SH3RF3: variants seen among roughly 807,000 people sequenced by gnomAD.
SH3RF3 encodes the protein SH3 domain containing ring finger 3.
Under a neutral mutation model 66.3 loss-of-function variants are expected in SH3RF3, and 29 were observed. The observed-to-expected ratio is 0.44, with a 90% CI of 0.33 to 0.60. The LOEUF (loss-of-function observed/expected upper bound fraction) is 0.60. Among genes scored for constraint, SH3RF3 ranks in the 20% least tolerant of loss-of-function variants. The pLI is 0.04. For missense variants in SH3RF3, 1,194 were observed against 1,190.9 expected (o/e 1.00, Z -0.04); for synonymous variants, 583 against 532.0 (o/e 1.10, Z -1.32).
At chr2:109,455,009 A>T (rs1333506363) in intron 8 of SH3RF3, among the ~76,000 whole-genome samples, 6 of 152,172 alleles carry the variant, frequency 3.9e-5, no homozygotes, top group Admixed American at 3.9e-4. Flanking sequence ...AAGAGCCTCT[A>T]AAGATGTTTT....
In SH3RF3 at chr2:109,298,734, C is replaced by T. The variant is rs555581474; in HGVS notation, c.574-48940C>T. On this transcript the variant is annotated intron_variant, in intron 1 of 9. Transcript: ENST00000309415. ...CACTGACATACCCCATCAGCTCACC[C>T]TGTGAAATATCCCTGATCTAACCTT... 2.0e-5 allele frequency among the ~76,000 whole-genome samples: 3 copies of T among 152,276 alleles called. 1 individual carries two copies. The highest frequency in any genetic ancestry group is 4.1e-4 in the South Asian group (2 of 4,834).
At chr2:109,285,136 G>T (rs1681002571) in intron 1 of SH3RF3, among the ~76,000 whole-genome samples, 1 of 152,232 alleles carries the variant, frequency 6.6e-6, no homozygotes, top group African/African-American at 2.4e-5. Context: ...CTGGAGTAGG[G>T]GTGACAGTGA....
At chr2:109,206,654 A>T (rs1245790385) in intron 1 of SH3RF3, among the ~76,000 whole-genome samples, 1 of 152,058 alleles carries the variant, frequency 6.6e-6, no homozygotes, top group African/African-American at 2.4e-5. Context: ...ACAAAAAAAA[A>T]ATTTTTTTTA....
intron 1 of SH3RF3, among the ~76,000 whole-genome samples, chr2:109,133,322 G>C (rs747754615): frequency 6.6e-6 from 1 of 152,184 alleles, no homozygotes; most frequent in Non-Finnish European, 1.5e-5. Context: ...CATTGGATCC[G>C]TTTGAAAATC....
In SH3RF3 at chr2:109,192,161, C is replaced by A. The variant is rs1000759154; in HGVS notation, c.573+62048C>A. 2.0e-5 allele frequency among the ~76,000 whole-genome samples: 3 copies of A among 152,116 alleles called. No individual in the cohort carries two copies. The South Asian group carries it at 6.2e-4, about 31-fold the overall frequency. On this transcript the variant is annotated intron_variant, in intron 1 of 9. Coordinates refer to ENST00000309415, the MANE Select transcript of SH3RF3 (RefSeq NM_001099289.3). The stretch of plus-strand genomic sequence containing the variant: ...CAATATTGGTTCTTTGAGAGCGGTT[C>A]GGTTCTACATATGGCACTAACTCGT...
intron 1 of SH3RF3, among the ~76,000 whole-genome samples, chr2:109,274,154 A>G (rs1279944194): frequency 6.6e-6 from 1 of 152,240 alleles, no homozygotes; most frequent in African/African-American, 2.4e-5. Flanking sequence ...GAAATCTTCT[A>G]GGATCTGGAT....
intron 1 of SH3RF3, among the ~76,000 whole-genome samples, chr2:109,290,349 A>G (rs951576810): frequency 1.3e-5 from 2 of 152,250 alleles, no homozygotes; most frequent in East Asian, 3.9e-4. Context: ...TAAATGAGTG[A>G]TAAGAGAAAT....
chr2:109,413,979 C>G (rs1676659621), intron 4 of SH3RF3, among the ~76,000 whole-genome samples: 1 of 152,246 alleles, frequency 6.6e-6, no homozygotes, highest in South Asian at 2.1e-4. Flanking sequence ...ACCAGTGGGT[C>G]CTTCTAGGTC....
At chr2:109,398,101 G>A (rs1267583173) in intron 3 of SH3RF3, among the ~76,000 whole-genome samples, 6 of 152,180 alleles carry the variant, frequency 3.9e-5, no homozygotes, top group Non-Finnish European at 5.9e-5. Flanking sequence ...TGCCACAGCC[G>A]GTCACCAGCC....
At chr2:109,197,020 G>A (rs909015082) in intron 1 of SH3RF3, among the ~76,000 whole-genome samples, 11 of 152,232 alleles carry the variant, frequency 7.2e-5, no homozygotes, top group African/African-American at 2.4e-4. Context: ...ATAGCCCTGT[G>A]AGTGGGTGCC....
chr2:109,348,051 A>C, intron 2 of SH3RF3, 102 bp downstream of exon 2: 5 of 1,439,436 alleles, frequency 3.5e-6, no homozygotes, highest in South Asian at 1.4e-5. Context: ...CTTTCTTCAG[A>C]GTCTGAATCC....
At chr2:109,212,267 G>A (rs1251084657) in intron 1 of SH3RF3, among the ~76,000 whole-genome samples, 1 of 152,184 alleles carries the variant, frequency 6.6e-6, no homozygotes, top group East Asian at 1.9e-4. Context: ...AAATGAGGCT[G>A]CCCAGAAAAG....
At chr2:109,175,518 C>A (rs867318297) in intron 1 of SH3RF3, among the ~76,000 whole-genome samples, 1 of 152,204 alleles carries the variant, frequency 6.6e-6, no homozygotes, top group South Asian at 2.1e-4. Context: ...TGAGAGCAAA[C>A]AAGGATGAGC....
intron 1 of SH3RF3, among the ~76,000 whole-genome samples, chr2:109,268,512 G>C (rs1017924423): frequency 6.6e-6 from 1 of 152,184 alleles, no homozygotes; most frequent in Non-Finnish European, 1.5e-5. Flanking sequence ...CCTCTGTCCA[G>C]CAGGAGCCTG....
chr2:109,425,736 C>A (rs1283803717), intron 5 of SH3RF3, among the ~76,000 whole-genome samples: 2 of 152,040 alleles, frequency 1.3e-5, no homozygotes, highest in African/African-American at 4.8e-5. Context: ...CTGCTCATTG[C>A]CAGTGTACTT....
chr2:109,483,202 C>T (rs767840307), intron 8 of SH3RF3, among the ~76,000 whole-genome samples: 12 of 152,198 alleles, frequency 7.9e-5, no homozygotes, highest in East Asian at 7.7e-4. Context: ...TCCCCATCTC[C>T]GACAGGAAAA....
intron 4 of SH3RF3, among the ~76,000 whole-genome samples, chr2:109,408,410 T>C (rs1676502789): frequency 6.6e-6 from 1 of 152,198 alleles, no homozygotes; most frequent in Non-Finnish European, 1.5e-5. Flanking sequence ...ACCCTCCCTC[T>C]GCCAGAGCTC....
intron 3 of SH3RF3, among the ~76,000 whole-genome samples, chr2:109,391,315 G>A (rs762175532): frequency 6.6e-6 from 1 of 152,232 alleles, no homozygotes; most frequent in Non-Finnish European, 1.5e-5. Context: ...AGCCATTACA[G>A]GACGGGGACC....
At chr2:109,302,100 A>G (rs1574560366) in intron 1 of SH3RF3, among the ~76,000 whole-genome samples, 2 of 152,114 alleles carry the variant, frequency 1.3e-5, no homozygotes, top group South Asian at 2.1e-4. Flanking sequence ...TCCCACTGCA[A>G]TCGATAGCAG....
Sources: gnomAD v4.1 joint callset for allele counts (sites outside exome capture counted in the v4.1 genomes callset) on GRCh38, gnomAD v4.1.1 for gene constraint, MANE v1.5 for transcripts, NCBI Gene and HGNC (gene_info 2026-07-23, HGNC 2026-07-21) for gene names.